ADAM22: variants seen among roughly 807,000 people sequenced by gnomAD.
The protein encoded by ADAM22 is ADAM metallopeptidase domain 22, also known as disintegrin and metalloproteinase domain-containing protein 22.
Under a neutral mutation model 144.6 loss-of-function variants are expected in ADAM22, and 65 were observed. The ratio of observed to expected loss-of-function variants is 0.45; its 90% CI spans 0.37 to 0.55. The LOEUF (loss-of-function observed/expected upper bound fraction) is 0.55. Ranked by LOEUF, ADAM22 falls within the 20% of genes least tolerant of loss-of-function variation. The pLI, the probability that ADAM22 is intolerant of heterozygous loss-of-function variation, is 0.00. For missense variants in ADAM22, 974 were observed against 1,184.9 expected (o/e 0.82, Z 2.61); for synonymous variants, 391 against 412.6 (o/e 0.95, Z 0.63).
At chr7:88,091,193 T>A (rs1384770107) in intron 4 of ADAM22, among the ~76,000 whole-genome samples, 1 of 152,166 alleles carries the variant, frequency 6.6e-6, no homozygotes, top group East Asian at 1.9e-4. Flanking sequence ...TAATTTACTG[T>A]TAGTCATTTG....
chr7:88,050,246 C>T (rs1805875847), intron 3 of ADAM22, among the ~76,000 whole-genome samples: 1 of 145,502 alleles, frequency 6.9e-6, no homozygotes, highest in Non-Finnish European at 1.5e-5. Context: ...AAAAAAAAAC[C>T]TGGGCATCAT....
At chr7:88,076,463 G>A (rs1479487368) in intron 4 of ADAM22, among the ~76,000 whole-genome samples, 1 of 152,130 alleles carries the variant, frequency 6.6e-6, no homozygotes, top group Non-Finnish European at 1.5e-5. Flanking sequence ...TCCAGGGTAG[G>A]TGTTTGCCTT....
intron 3 of ADAM22, among the ~76,000 whole-genome samples, chr7:88,065,436 A>G (rs1047770924): frequency 7.2e-5 from 11 of 152,012 alleles, no homozygotes; most frequent in Admixed American, 1.3e-4. Flanking sequence ...TCAAAATTTA[A>G]TTTTATTATT....
Position 88,034,191 on chromosome 7 carries a change from C to T in ADAM22, c.324-41435C>T, listed in dbSNP as rs565916978. On this transcript the variant is annotated intron_variant, in intron 3 of 31. Transcript: ENST00000413139. ...ATCTCAGAGTCTCACCCCAGGCCCA[C>T]GGCATGTACTGCTTGGCTACTGCTG... 1.2e-3 allele frequency among the ~76,000 whole-genome samples: 187 copies of T among 152,316 alleles called. 1 individual carries two copies. Among genetic ancestry groups the T allele is most frequent in the South Asian group, 3.9e-3 (19 of 4,822 alleles).
chr7:88,074,271 T>C (rs566374753), intron 3 of ADAM22, among the ~76,000 whole-genome samples: 5 of 152,354 alleles, frequency 3.3e-5, no homozygotes, highest in Middle Eastern at 3.4e-3. Context: ...TTATTACTCA[T>C]ATGCTTCAAG....
chr7:88,113,740 A>ATATATATG (rs1228817217), intron 5 of ADAM22, among the ~76,000 whole-genome samples: 2 of 125,594 alleles, frequency 1.6e-5, no homozygotes, highest in Non-Finnish European at 3.3e-5. Context: ...ATATATATAT[A>ATATATATG]GTAAGTCCTA....
chr7:88,171,599 G>C, intron 26 of ADAM22, 38 bp downstream of exon 26: 1 of 1,539,594 alleles, frequency 6.5e-7, no homozygotes, highest in Non-Finnish European at 8.7e-7. Context: ...AAACTGAAAG[G>C]TTTGACTCAT....
intron 3 of ADAM22, among the ~76,000 whole-genome samples, chr7:87,997,396 T>C (rs1791486346): frequency 1.3e-5 from 2 of 152,268 alleles, no homozygotes; most frequent in African/African-American, 4.8e-5. Flanking sequence ...ACACATTTAT[T>C]ATCTCATAGT....
chr7:88,089,949 A>G (rs921333943), intron 4 of ADAM22: 3 of 152,124 alleles, frequency 2.0e-5, no homozygotes, highest in African/African-American at 7.2e-5. Context: ...TGCCATGGTA[A>G]TTGGAATTTC....
chr7:87,956,878 T>C (rs1427381706), intron 2 of ADAM22, among the ~76,000 whole-genome samples: 1 of 152,244 alleles, frequency 6.6e-6, no homozygotes, highest in African/African-American at 2.4e-5. Flanking sequence ...GCCGTGAACA[T>C]GTGTGTAAAA....
At chr7:87,965,980 T>G (rs1417021670) in intron 2 of ADAM22, among the ~76,000 whole-genome samples, 1 of 152,272 alleles carries the variant, frequency 6.6e-6, no homozygotes, top group Non-Finnish European at 1.5e-5. Flanking sequence ...GATAGTTACA[T>G]TAGTCTCTGC....
chr7:88,005,024 G>A (rs1337175709), intron 3 of ADAM22, among the ~76,000 whole-genome samples: 4 of 152,104 alleles, frequency 2.6e-5, no homozygotes, highest in African/African-American at 9.7e-5. Flanking sequence ...GGGCATAGAG[G>A]TGCATTCTTG....
At chr7:88,048,703 A>G (rs370615906) in intron 3 of ADAM22, among the ~76,000 whole-genome samples, 18 of 152,168 alleles carry the variant, frequency 1.2e-4, no homozygotes, top group Admixed American at 1.0e-3. Context: ...ACTATTTTTT[A>G]TATACAGGGT....
At chr7:88,113,699 AATAAATAT>A (rs1380729557) in intron 5 of ADAM22, among the ~76,000 whole-genome samples, 55 of 39,460 alleles carry the variant, frequency 1.4e-3, no homozygotes, top group Admixed American at 4.9e-3. Context: ...TAAATAAATA[AATAAATAT>A]ATATATATAT....
At position 88,100,119 on chromosome 7, in the gene ADAM22, A is replaced by G. The variant is rs893376898; in HGVS notation, c.391-8057A>G. ...TATTAACAATGGGAAAACCTGGGTG[A>G]TATACTATACTTCTCTATACCATCT... On this transcript the variant is annotated intron_variant, in intron 4 of 31. Coordinates refer to ENST00000413139, the MANE Select transcript of ADAM22 (RefSeq NM_001324418.2). Among the ~76,000 whole-genome samples the G allele has an allele frequency of 2.0e-5, 3 of 152,192 alleles. No individual in the cohort carries two copies. In the East Asian group the frequency reaches 5.8e-4, roughly 29 times the overall value.
intron 20 of ADAM22, 59 bp downstream of exon 20, chr7:88,151,379 G>C (rs1838321615): frequency 6.3e-7 from 1 of 1,592,940 alleles, no homozygotes; most frequent in Non-Finnish European, 8.6e-7. Context: ...GACTTCTCAA[G>C]GACGTGTGTG....
At chr7:88,096,390 A>T (rs148232843) in intron 4 of ADAM22, among the ~76,000 whole-genome samples, 3,672 of 151,788 alleles carry the variant, frequency 0.024, 155 homozygotes, top group African/African-American at 0.083. Flanking sequence ...TTTGTTAATT[A>T]CCAATCTTCT....
chr7:87,986,043 T>A (rs1788408297), intron 3 of ADAM22, among the ~76,000 whole-genome samples: 1 of 152,160 alleles, frequency 6.6e-6, no homozygotes, highest in Admixed American at 6.5e-5. Flanking sequence ...GTTCCATACT[T>A]CTCATGGCTA....
intron 3 of ADAM22, among the ~76,000 whole-genome samples, chr7:87,995,407 C>A (rs1356990513): frequency 1.3e-5 from 2 of 152,186 alleles, no homozygotes; most frequent in African/African-American, 4.8e-5. Context: ...TCCACCATGT[C>A]TTCCTCATTT....
Sources: gnomAD v4.1 joint callset for allele counts (sites outside exome capture counted in the v4.1 genomes callset) on GRCh38, gnomAD v4.1.1 for gene constraint, MANE v1.5 for transcripts, NCBI Gene and HGNC (gene_info 2026-07-23, HGNC 2026-07-21) for gene names.